Variants in NPHS2 observed in about 807,000 individuals in gnomAD.
NPHS2 encodes the protein NPHS2 stomatin family member, podocin, also known as podocin.
In NPHS2, 36 loss-of-function variants were observed where a neutral mutation model predicts 37.1. The ratio of observed to expected loss-of-function variants is 0.97; its 90% CI spans 0.74 to 1.28. The LOEUF is 1.28. Among genes scored for constraint, NPHS2 ranks in the 50% most tolerant of loss-of-function variants. NPHS2 has a pLI of 0.00. For missense variants in NPHS2, 447 were observed against 488.1 expected (o/e 0.92, Z 0.79); for synonymous variants, 196 against 189.3 (o/e 1.04, Z -0.29).
intron 3 of NPHS2, among the ~76,000 whole-genome samples, chr1:179,560,204 G>A (rs962130510): frequency 2.0e-5 from 3 of 152,104 alleles, no homozygotes; most frequent in East Asian, 1.9e-4. Context: ...TGTCATATTC[G>A]TTAGAATGTG....
chr1:179,561,205 A>G, intron 3 of NPHS2, 84 bp downstream of exon 3: 2 of 886,232 alleles, frequency 2.3e-6, no homozygotes, highest in Non-Finnish European at 3.9e-6. Context: ...ATTTAATCTG[A>G]GGTCCATATT....
At chr1:179,569,767 G>C (rs1169425754) in intron 1 of NPHS2, among the ~76,000 whole-genome samples, 1 of 152,128 alleles carries the variant, frequency 6.6e-6, no homozygotes, top group Non-Finnish European at 1.5e-5. Flanking sequence ...CATTTTGCTT[G>C]TCTGTAAAGG....
rs267598208 is a variant in NPHS2, at chr1:179,564,690, C to A, written c.378G>T (p.Lys126Asn). The A allele has an allele frequency of 6.2e-7, 1 of 1,613,414 alleles. No homozygotes were observed. The highest frequency in any genetic ancestry group is 8.5e-7 in the Non-Finnish European group (1 of 1,179,598). ...CTATTGGGTCCTTATGGAATCTCAC[C>A]TTTACGCAGAACCAGATGGAAAAAG... Reference protein sequence around the residue: ...TFPFSIWFCVKVVQEYERVII... With the variant: ...TFPFSIWFCVNVVQEYERVII... The change falls in exon 2 of 8, where the codon AAG (lysine) becomes AAT (asparagine). Residue 126 changes from lysine (K) to asparagine (N), a missense_variant and splice_region_variant. Coordinates refer to ENST00000367615, the MANE Select transcript of NPHS2 (RefSeq NM_014625.4).
chr1:179,570,876 C>G (rs762816615), intron 1 of NPHS2, among the ~76,000 whole-genome samples: 1 of 152,156 alleles, frequency 6.6e-6, no homozygotes. Flanking sequence ...CTTGCACATG[C>G]GTCATGAAGT....
intron 6 of NPHS2, among the ~76,000 whole-genome samples, chr1:179,553,421 A>C (rs190252451): frequency 3.3e-5 from 5 of 152,378 alleles, no homozygotes; most frequent in African/African-American, 1.2e-4. Flanking sequence ...TTATTTGATC[A>C]TAAAAAGTAA....
At chr1:179,573,466 C>T (rs557664681) in intron 1 of NPHS2, among the ~76,000 whole-genome samples, 1 of 152,168 alleles carries the variant, frequency 6.6e-6, no homozygotes, top group South Asian at 2.1e-4. Context: ...ATGAGAATCT[C>T]GCAAAGCATT....
chr1:179,557,269 GGGCTCC>G, intron 4 of NPHS2, 39 bp from the exon 5 acceptor site: 1 of 1,543,866 alleles, frequency 6.5e-7, no homozygotes, highest in Non-Finnish European at 9.0e-7. Context: ...CTTGATTCTT[GGGCTCC>G]TTTCCTATGT....
Position 179,561,317 on chromosome 1 carries a change from A to G in NPHS2, c.423T>C (p.His141=), listed in dbSNP as rs1674126770. The part of the protein sequence containing the change: ...YERVIIFRLG[H]LLPGRAKGPG... ...GGCCTTTGGCTCTTCCAGGAAGCAG[A>G]TGTCCCAGTCGGAATATAATTACTC... The change falls in exon 3 of 8, where the codon CAT becomes CAC. Residue 141 remains histidine, a synonymous_variant. Coordinates refer to ENST00000367615, the MANE Select transcript of NPHS2 (RefSeq NM_014625.4). 2 of 1,613,618 alleles carry G rather than the reference A, an allele frequency of 1.2e-6. No individual in the cohort carries two copies. Among genetic ancestry groups the G allele is most frequent in the Non-Finnish European group, 8.5e-7 (1 of 1,179,550 alleles).
chr1:179,563,799 T>G (rs1204085776), intron 2 of NPHS2, among the ~76,000 whole-genome samples: 2 of 152,088 alleles, frequency 1.3e-5, no homozygotes, highest in Admixed American at 1.3e-4. Context: ...AAAATGTATC[T>G]TGGGGAGGAA....
Position 179,551,086 on chromosome 1 carries a change from G to T in NPHS2, c.*87C>A. 6.5e-7 allele frequency: 1 copy of T among 1,550,086 alleles called. No individual in the cohort carries two copies. Among genetic ancestry groups the T allele is most frequent in the Non-Finnish European group, 8.9e-7 (1 of 1,126,234 alleles). On this transcript the variant is annotated 3_prime_UTR_variant, in exon 8 of 8. Coordinates refer to ENST00000367615, the MANE Select transcript of NPHS2 (RefSeq NM_014625.4). ...CATTCCATATGGCAACCAAAGGAAG[G>T]GCAGGGAATGAGGACAGAGTGTCTC...
At chr1:179,568,953 G>A (rs1009549357) in intron 1 of NPHS2, among the ~76,000 whole-genome samples, 24 of 152,304 alleles carry the variant, frequency 1.6e-4, no homozygotes, top group African/African-American at 5.8e-4. Context: ...CATTTGCTGA[G>A]GAGTGCTTTA....
chr1:179,552,705 T>A, intron 6 of NPHS2, 24 bp from the exon 7 acceptor site: 1 of 1,592,364 alleles, frequency 6.3e-7, no homozygotes, highest in Non-Finnish European at 8.6e-7. Flanking sequence ...AATGCAGGTA[T>A]GTAGGTGTGC....
chr1:179,552,404 G>A, intron 7 of NPHS2, 199 bp downstream of exon 7: 1 of 624,092 alleles, frequency 1.6e-6, no homozygotes, highest in South Asian at 1.8e-5. Context: ...ATTATCAGTA[G>A]CTTCAGAGAG....
In NPHS2 at chr1:179,554,537, G is replaced by A. The variant is rs1334364659; in HGVS notation, c.739-6C>T. 6.2e-7 allele frequency: 1 copy of A among 1,614,150 alleles called. No homozygotes were observed. Among genetic ancestry groups the A allele is most frequent in the Non-Finnish European group, 8.5e-7 (1 of 1,180,014 alleles). ...GTCACTGAATCCAAGGCAACCTGTG[G>A]AAAGAAGAATTCAGATGTCAGTGGG... On this transcript the variant is annotated splice_region_variant and splice_polypyrimidine_tract_variant and intron_variant, in intron 5 of 7. Coordinates refer to ENST00000367615, the MANE Select transcript of NPHS2 (RefSeq NM_014625.4).
Position 179,551,350 on chromosome 1 carries a change from G to A in NPHS2, c.975C>T (p.His325=), listed in dbSNP as rs772177001. ...TCTCTGTGGACAGAGACTGAAGGGT[G>A]TGGAGGTATCGAAGCTGAACGGCAG... ...TPAAVQLRYL[H]TLQSLSTEKP... is the part of the protein sequence containing the mutation. Residue 325 remains histidine (H), a synonymous_variant, in exon 8 of 8, where the codon CAC becomes CAT. Transcript: ENST00000367615. 1.2e-6 allele frequency: 2 copies of A among 1,614,176 alleles called. No individual in the cohort carries two copies. Among genetic ancestry groups the A allele is most frequent in the Admixed American group, 1.7e-5 (1 of 60,016 alleles).
intron 1 of NPHS2, among the ~76,000 whole-genome samples, chr1:179,565,748 T>A (rs1301953124): frequency 6.3e-5 from 8 of 126,658 alleles, no homozygotes; most frequent in African/African-American, 2.4e-4. Context: ...CAGGCCCCAG[T>A]GTGTGATGTT....
chr1:179,573,829 T>C (rs1209707774), intron 1 of NPHS2, among the ~76,000 whole-genome samples: 1 of 152,310 alleles, frequency 6.6e-6, no homozygotes, highest in East Asian at 1.9e-4. Flanking sequence ...ACGTGAAGAT[T>C]TACCCCCAAA....
chr1:179,569,760 T>G (rs769167159), intron 1 of NPHS2, among the ~76,000 whole-genome samples: 1 of 152,182 alleles, frequency 6.6e-6, no homozygotes, highest in African/African-American at 2.4e-5. Context: ...CTCTCAGCAT[T>G]TTGCTTGTCT....
chr1:179,564,945 T>C, intron 1 of NPHS2, 152 bp from the exon 2 acceptor site: 1 of 698,344 alleles, frequency 1.4e-6, no homozygotes, highest in Admixed American at 2.2e-5. Context: ...GTAGTCAGAG[T>C]TCACAGGGCC....
Sources: gnomAD v4.1 joint callset for allele counts (sites outside exome capture counted in the v4.1 genomes callset) on GRCh38, gnomAD v4.1.1 for gene constraint, MANE v1.5 for transcripts, NCBI Gene and HGNC (gene_info 2026-07-23, HGNC 2026-07-21) for gene names.